The following NEK9 variants were observed in gnomAD, a reference collection of about 807,000 sequenced individuals.
The protein encoded by NEK9 is serine/threonine-protein kinase Nek9.
NEK9 carries 75 observed loss-of-function variants against 123.4 expected under a neutral mutation model. That is an observed-to-expected ratio of 0.61 (90% confidence interval 0.50 to 0.74). The LOEUF (loss-of-function observed/expected upper bound fraction) is 0.74, where lower values mean the gene tolerates loss of function less well. NEK9 is among the 30% of genes least tolerant of loss of function. The probability of loss-of-function intolerance (pLI) is 0.00; values close to 1 mark genes in which losing one functional copy is unlikely to be tolerated. For synonymous variants in NEK9, 438 were observed against 458.7 expected (o/e 0.95, Z 0.58); for missense variants, 952 against 1,214.4 (o/e 0.78, Z 3.21).
At chr14:75,110,446 T>C (rs771318398) in intron 8 of NEK9, 75 bp from the exon 9 acceptor site, 120 of 1,150,228 alleles carry the variant, frequency 1.0e-4, no homozygotes, top group Non-Finnish European at 2.2e-5. Context: ...TTTAATACAT[T>C]TCACAGATTT....
At chr14:75,120,667 A>G (rs137904276) in intron 3 of NEK9, 87 bp from the exon 4 acceptor site, 6 of 972,442 alleles carry the variant, frequency 6.2e-6, no homozygotes, top group African/African-American at 1.6e-5. Context: ...AAAACAAAGA[A>G]AACTGCAACC....
At position 75,091,386 on chromosome 14, in the gene NEK9, C is replaced by T. The variant is rs1894211708; in HGVS notation, c.2326G>A (p.Gly776Arg). The T allele has an allele frequency of 2.5e-6, 4 of 1,613,864 alleles. No individual in the cohort carries two copies. Among genetic ancestry groups the T allele is most frequent in the Admixed American group, 1.7e-5 (1 of 59,986 alleles). Residue 776 changes from glycine (G) to arginine (R), a missense_variant, in exon 19 of 22, where the codon GGA becomes AGA. Gly to Arg is a moderately radical substitution (Grantham distance 125). Around this residue, in one of 4 missense-constraint regions of NEK9, gnomAD observed 698 missense variants for 875.6 expected, o/e 0.80. Coordinates refer to ENST00000238616, the MANE Select transcript of NEK9 (RefSeq NM_033116.6). ...GCTTCCATTGTTCCTCGGAAGCCTC[C>T]ACTTGGGTCAGGAGTTTCAGATTCC... is the stretch of plus-strand genomic sequence containing the variant. ...QQESETPDPS[G>R]GFRGTMEADR...
intron 14 of NEK9, among the ~76,000 whole-genome samples, chr14:75,102,674 A>T (rs537527418): frequency 1.1e-4 from 16 of 152,224 alleles, no homozygotes; most frequent in African/African-American, 3.9e-4. Context: ...TTTTCAAACT[A>T]CAAAGACACT....
At chr14:75,119,440 A>T (rs1033312279) in intron 4 of NEK9, among the ~76,000 whole-genome samples, 3 of 152,250 alleles carry the variant, frequency 2.0e-5, no homozygotes, top group Non-Finnish European at 2.9e-5. Context: ...ACTTTAAAGG[A>T]GTGAAGGCAG....
rs778199182 is a variant in NEK9, at chr14:75,106,495, C to A, written c.1528+7G>T. The A allele has an allele frequency of 6.2e-7, 1 of 1,613,586 alleles. No individual in the cohort carries two copies. The highest frequency in any genetic ancestry group is 8.5e-7 in the Non-Finnish European group (1 of 1,179,866). On this transcript the variant is annotated splice_region_variant and intron_variant, in intron 12 of 21. Transcript: ENST00000238616. ...GAAGAAGTGGACAGAGACAAGGCTA[C>A]CCCTACCATATTCGCCACAGCCCCA...
chr14:75,084,732 G>A, intron 21 of NEK9, 46 bp from the exon 22 acceptor site: 2 of 1,612,642 alleles, frequency 1.2e-6, no homozygotes, highest in Middle Eastern at 1.6e-4. Context: ...GTGCCACCTA[G>A]TCACAGAAGT....
At chr14:75,121,777 G>T (rs1445098672) in intron 2 of NEK9, among the ~76,000 whole-genome samples, 1 of 152,218 alleles carries the variant, frequency 6.6e-6, no homozygotes, top group South Asian at 2.1e-4. Context: ...CCTGAGCGTG[G>T]GAGGATCGCC....
chr14:75,084,655 G>C lies in NEK9; in HGVS notation c.2849C>G (p.Ala950Gly), dbSNP rs780081919. The change falls in exon 22 of 22, where the codon GCA (alanine) becomes GGA (glycine). Residue 950 changes from alanine (A) to glycine (G), a missense_variant. By Grantham distance (60) the Ala-to-Gly change is moderately conservative (BLOSUM62 0). Coordinates refer to ENST00000238616, the MANE Select transcript of NEK9 (RefSeq NM_033116.6). ...VGMHSKGTQT[A>G]KEEMEMDPKP... The stretch of plus-strand genomic sequence containing the variant: ...TGGATCCATTTCCATCTCTTCCTTT[G>C]CTGTCTGAGTTCCTTTGGAATGCAT... The C allele has an allele frequency of 6.2e-7, 1 of 1,614,054 alleles. No individual in the cohort carries two copies. Among genetic ancestry groups the C allele is most frequent in the Non-Finnish European group, 8.5e-7 (1 of 1,179,992 alleles).
intron 12 of NEK9, 30 bp downstream of exon 12, chr14:75,106,472 A>C: frequency 6.2e-7 from 1 of 1,612,698 alleles, no homozygotes; most frequent in African/African-American, 1.3e-5. Context: ...ATACCTGTGA[A>C]GAAGTGGACA....
intron 8 of NEK9, among the ~76,000 whole-genome samples, chr14:75,112,513 A>G (rs752714595): frequency 9.9e-5 from 15 of 152,166 alleles, no homozygotes; most frequent in Non-Finnish European, 1.9e-4. Flanking sequence ...CCTACCACCT[A>G]AACAAATGCA....
chr14:75,118,728 A>T, intron 5 of NEK9, 102 bp downstream of exon 5: 1 of 716,884 alleles, frequency 1.4e-6, no homozygotes, highest in Non-Finnish European at 2.4e-6. Flanking sequence ...AGTATGGAGA[A>T]CTTGCAAGAA....
At chr14:75,106,752 C>T (rs1894791722) in intron 11 of NEK9, 50 bp from the exon 12 acceptor site, 2 of 1,499,570 alleles carry the variant, frequency 1.3e-6, no homozygotes, top group Non-Finnish European at 1.8e-6. Context: ...CTTATTTTAT[C>T]TAATCAGAAA....
At position 75,097,116 on chromosome 14, in the gene NEK9, A is replaced by G; in HGVS notation, c.2157T>C (p.His719=). The G allele has an allele frequency of 1.2e-6, 2 of 1,609,284 alleles. No homozygotes were observed. Among genetic ancestry groups the G allele is most frequent in the Non-Finnish European group, 1.7e-6 (2 of 1,177,728 alleles). The change falls in exon 17 of 22, where the codon CAT becomes CAC. Residue 719 remains histidine, a synonymous_variant. Transcript: ENST00000238616. ...AACTCTTACCAACGATGAGAATGGT[A>G]TGCCATCCACGGCAAGACAGGTCCG... ...HVPDLSCRGW[H]TILIVEKVLN...
In NEK9 at chr14:75,103,825, C is replaced by T. The variant is rs56995742; in HGVS notation, c.1731+17G>A. The T allele has an allele frequency of 2.4e-3, 3,822 of 1,596,422 alleles. 76 individuals carry two copies. The African/African-American group carries it at 0.045, about 19-fold the overall frequency. ...AAATTCTGATGATGTGGTTAGAACA[C>T]CAATCAGGACACTCACTTCATGGTT... On this transcript the variant is annotated intron_variant, in intron 14 of 21. Transcript: ENST00000238616.
At chr14:75,105,711 A>G (rs1894748485) in intron 13 of NEK9, among the ~76,000 whole-genome samples, 1 of 152,182 alleles carries the variant, frequency 6.6e-6, no homozygotes, top group Non-Finnish European at 1.5e-5. Context: ...GTCATCCCTG[A>G]GTAAGATGTG....
chr14:75,101,252 AG>A (rs1358071350), intron 15 of NEK9, 99 bp from the exon 16 acceptor site: 34 of 1,271,880 alleles, frequency 2.7e-5, no homozygotes, highest in Admixed American at 7.7e-5. Context: ...TCCGGTTGTT[AG>A]AATATACAAA....
At position 75,107,374 on chromosome 14, in the gene NEK9, T is replaced by C. The variant is rs756365793; in HGVS notation, c.1296A>G (p.Ser432=). The C allele has an allele frequency of 1.2e-6, 2 of 1,613,974 alleles. No individual in the cohort carries two copies. Among genetic ancestry groups the C allele is most frequent in the Non-Finnish European group, 1.7e-6 (2 of 1,179,960 alleles). Reference sequence around the variant, plus strand: ...CACAGACAGTGAAATCATCACCACATGACACCTGACGGATAGCTTTGCCTT... The same window carrying C: ...CACAGACAGTGAAATCATCACCACACGACACCTGACGGATAGCTTTGCCTT... ...KLQGKAIRQV[S]CGDDFTVCVT... The change falls in exon 11 of 22, where the codon TCA becomes TCG. Residue 432 remains serine, a synonymous_variant. Transcript: ENST00000238616.
chr14:75,121,674 C>T (rs1395629660), intron 2 of NEK9, among the ~76,000 whole-genome samples: 1 of 152,180 alleles, frequency 6.6e-6, no homozygotes, highest in Non-Finnish European at 1.5e-5. Flanking sequence ...CACGGCAAAA[C>T]CCTTGTCTCT....
At chr14:75,117,804 C>T (rs175457) in intron 5 of NEK9, among the ~76,000 whole-genome samples, 61,882 of 151,970 alleles carry the variant, frequency 0.41, 13,125 homozygotes, top group Middle Eastern at 0.51. Flanking sequence ...ACACAGCTAG[C>T]GAATTTCCTT....
Sources: allele counts gnomAD v4.1 joint callset (sites outside exome capture counted in the v4.1 genomes callset), GRCh38; gene constraint gnomAD v4.1.1; regional missense constraint gnomAD v4.1.1; transcripts MANE v1.5; gene names NCBI Gene and HGNC (gene_info 2026-07-23, HGNC 2026-07-21).